GAS2: variants seen among roughly 807,000 people sequenced by gnomAD.
GAS2 encodes growth arrest specific 2.
GAS2 carries 20 observed loss-of-function variants against 37.5 expected under a neutral mutation model. That is an observed-to-expected ratio of 0.53 (90% CI 0.37 to 0.77). GAS2 has a LOEUF of 0.77. Among genes scored for constraint, GAS2 ranks in the 30% least tolerant of loss-of-function variants. The pLI is 0.00. For missense variants in GAS2, 336 were observed against 373.4 expected (o/e 0.90, Z 0.82); for synonymous variants, 144 against 132.2 (o/e 1.09, Z -0.61).
intron 7 of GAS2, among the ~76,000 whole-genome samples, chr11:22,809,772 G>T (rs1252567989): frequency 1.3e-5 from 2 of 151,844 alleles, no homozygotes; most frequent in Non-Finnish European, 2.9e-5. Flanking sequence ...GAGATTACAG[G>T]CATGAGCCAC....
chr11:22,673,828 G>T (rs530324908), intron 1 of GAS2, among the ~76,000 whole-genome samples: 1 of 152,324 alleles, frequency 6.6e-6, no homozygotes, highest in East Asian at 1.9e-4. Flanking sequence ...CCAAGTAGGG[G>T]ATTGCACTGC....
chr11:22,670,891 A>AT (rs1455891157), intron 1 of GAS2, among the ~76,000 whole-genome samples: 6 of 151,918 alleles, frequency 3.9e-5, no homozygotes, highest in African/African-American at 7.2e-5. Flanking sequence ...ATATCATTTC[A>AT]TGTTTTTTGT....
At chr11:22,707,389 C>G (rs79204070) in intron 3 of GAS2, among the ~76,000 whole-genome samples, 5,368 of 152,162 alleles carry the variant, frequency 0.035, 300 homozygotes, top group African/African-American at 0.12. Context: ...TTAGAGATAA[C>G]CTTGAATTTT....
At chr11:22,670,788 A>G (rs1306190981) in intron 1 of GAS2, among the ~76,000 whole-genome samples, 1 of 152,084 alleles carries the variant, frequency 6.6e-6, no homozygotes, top group Admixed American at 6.5e-5. Context: ...TAGGTAGTGG[A>G]CCTATTATTT....
At chr11:22,697,061 G>A (rs1444554833) in intron 3 of GAS2, among the ~76,000 whole-genome samples, 16 of 152,042 alleles carry the variant, frequency 1.1e-4, no homozygotes, top group Admixed American at 1.0e-3. Flanking sequence ...TTCTTCTAGG[G>A]TTTTTATGGT....
chr11:22,634,200 G>A (rs1467365443), intron 1 of GAS2, among the ~76,000 whole-genome samples: 1 of 152,046 alleles, frequency 6.6e-6, no homozygotes, highest in African/African-American at 2.4e-5. Context: ...AAGTGAAAGG[G>A]GTTTCCGCTT....
intron 6 of GAS2, among the ~76,000 whole-genome samples, chr11:22,754,777 A>G (rs971734622): frequency 6.6e-6 from 1 of 152,144 alleles, no homozygotes; most frequent in Non-Finnish European, 1.5e-5. Flanking sequence ...CAAAAATCGA[A>G]TTATTTGAAG....
At chr11:22,678,787 G>A (rs182491436) in intron 2 of GAS2, among the ~76,000 whole-genome samples, 112 of 151,934 alleles carry the variant, frequency 7.4e-4, no homozygotes, top group African/African-American at 2.5e-3. Flanking sequence ...AAAATGATTC[G>A]ATAGAGAAGA....
intron 6 of GAS2, among the ~76,000 whole-genome samples, chr11:22,753,198 AGACT>A (rs1001268514): frequency 3.3e-5 from 5 of 152,060 alleles, no homozygotes; most frequent in African/African-American, 1.2e-4. Context: ...AACACCTGCC[AGACT>A]GACTTTTCCC....
chr11:22,696,415 G>T (rs1050913790), intron 3 of GAS2, among the ~76,000 whole-genome samples: 6 of 152,052 alleles, frequency 3.9e-5, no homozygotes, highest in Non-Finnish European at 7.4e-5. Flanking sequence ...GTGTGCATGT[G>T]TCTTTATAGC....
At chr11:22,745,167 T>C (rs961234566) in intron 5 of GAS2, among the ~76,000 whole-genome samples, 1 of 147,382 alleles carries the variant, frequency 6.8e-6, no homozygotes, top group Non-Finnish European at 1.5e-5. Flanking sequence ...AAAGCAATTC[T>C]AAGCAAAAAG....
At chr11:22,692,149 T>C (rs1276831653) in intron 3 of GAS2, among the ~76,000 whole-genome samples, 1 of 152,098 alleles carries the variant, frequency 6.6e-6, no homozygotes, top group Non-Finnish European at 1.5e-5. Context: ...ATGGGCTACA[T>C]TTGCAGATGG....
chr11:22,639,195 A>G (rs1228652242), intron 1 of GAS2, among the ~76,000 whole-genome samples: 1 of 152,200 alleles, frequency 6.6e-6, no homozygotes, highest in Admixed American at 6.5e-5. Flanking sequence ...AATTGCCAAT[A>G]TAATAGTATT....
intron 4 of GAS2, among the ~76,000 whole-genome samples, chr11:22,733,816 C>T (rs909093044): frequency 1.1e-4 from 17 of 151,578 alleles, no homozygotes; most frequent in Admixed American, 1.1e-3. Flanking sequence ...ATGATAAAAC[C>T]ATTTGTGTAA....
chr11:22,752,958 T>G (rs76663694), intron 6 of GAS2, among the ~76,000 whole-genome samples: 2 of 152,210 alleles, frequency 1.3e-5, no homozygotes, highest in Admixed American at 1.3e-4. Context: ...GATGTCCTGA[T>G]AGAGTGATTC....
intron 3 of GAS2, among the ~76,000 whole-genome samples, chr11:22,716,456 A>G (rs583975): frequency 0.88 from 133,932 of 151,984 alleles, 61,256 homozygotes; most frequent in East Asian, 1. Context: ...CCTGGCCAAC[A>G]TGGTGAAACA....
At chr11:22,628,583 A>G (rs975996561) in intron 1 of GAS2, among the ~76,000 whole-genome samples, 2 of 152,134 alleles carry the variant, frequency 1.3e-5, no homozygotes, top group African/African-American at 4.8e-5. Flanking sequence ...AAGTTTTCAA[A>G]TATTGTAGCT....
At chr11:22,647,549 AG>A (rs1465053122) in intron 1 of GAS2, among the ~76,000 whole-genome samples, 1 of 152,156 alleles carries the variant, frequency 6.6e-6, no homozygotes, top group African/African-American at 2.4e-5. Context: ...ACAGTGTAAA[AG>A]TGTTCCTATT....
intron 3 of GAS2, among the ~76,000 whole-genome samples, chr11:22,691,117 G>A (rs942205627): frequency 1.3e-5 from 2 of 152,078 alleles, no homozygotes; most frequent in African/African-American, 2.4e-5. Context: ...ATGAAGGAGG[G>A]GGCGGGGGGA....
Sources: gnomAD v4.1 joint callset for allele counts (sites outside exome capture counted in the v4.1 genomes callset) on GRCh38, gnomAD v4.1.1 for gene constraint, MANE v1.5 for transcripts, NCBI Gene and HGNC (gene_info 2026-07-23, HGNC 2026-07-21) for gene names.